Variants in CROCC observed in about 807,000 individuals in gnomAD.
CROCC encodes ciliary rootlet coiled-coil, rootletin, also known as rootletin.
In CROCC, 180 loss-of-function variants were observed where a neutral mutation model predicts 245.2. The observed-to-expected ratio is 0.73, with a 90% CI of 0.65 to 0.83. The LOEUF (loss-of-function observed/expected upper bound fraction) is 0.83, where lower values mean the gene tolerates loss of function less well. Among genes scored for constraint, CROCC ranks in the 40% least tolerant of loss-of-function variants. CROCC has a pLI of 0.00. For synonymous variants in CROCC, 1,205 were observed against 1,241.6 expected (o/e 0.97, Z 0.62); for missense variants, 2,688 against 2,779.4 (o/e 0.97, Z 0.74).
Position 16,922,061 on chromosome 1 carries a change from C to G in CROCC, c.43C>G (p.Leu15Val). The change falls in exon 1 of 37, where the codon CTA becomes GTA. Residue 15 changes from leucine (L) to valine (V), a missense_variant. Physicochemically the swap from Leu to Val is conservative, Grantham distance 32. Coordinates refer to ENST00000375541, the MANE Select transcript of CROCC (RefSeq NM_014675.5). Reference protein sequence around the residue: ...LAGAQEVELTLETVIQTLESS... With the variant: ...LAGAQEVELTVETVIQTLESS... The stretch of plus-strand genomic sequence containing the variant: ...GGGGGCACAGGAGGTGGAGCTGACA[C>G]TAGAGACGGTTATCCAGGTGGGTCC... 2 of 1,550,440 alleles carry G rather than the reference C, an allele frequency of 1.3e-6. No individual in the cohort carries two copies. Among genetic ancestry groups the G allele is most frequent in the South Asian group, 2.4e-5 (2 of 83,628 alleles).
Position 16,931,273 on chromosome 1 carries a change from G to T in CROCC, c.850-18G>T, listed in dbSNP as rs185035343. 1.2e-6 allele frequency: 2 copies of T among 1,600,578 alleles called. No homozygotes were observed. Among genetic ancestry groups the T allele is most frequent in the South Asian group, 1.1e-5 (1 of 90,428 alleles). ...CCGCTCTCACACCAACCCTTCCCTC[G>T]GCATGTCTTCCCTCCAGTCCTTCAA... On this transcript the variant is annotated intron_variant, in intron 7 of 36. Coordinates refer to ENST00000375541, the MANE Select transcript of CROCC (RefSeq NM_014675.5).
chr1:16,940,562 G>A (rs1346718765), intron 13 of CROCC, among the ~76,000 whole-genome samples: 4 of 152,116 alleles, frequency 2.6e-5, no homozygotes, highest in African/African-American at 4.8e-5. Context: ...AATTTTTTTT[G>A]TATTTTTAGT....
In CROCC at chr1:16,924,574, GGCCCT is replaced by G. The variant is rs1386781944; in HGVS notation, c.351+97_351+101del. 3 of 1,491,010 alleles carry G rather than the reference GGCCCT, an allele frequency of 2.0e-6. No homozygotes were observed. In the African/African-American group the frequency reaches 4.1e-5, roughly 20 times the overall value. 92.4% of individuals were successfully genotyped at this position (1,491,010 alleles called of 1,614,324 possible). ...AGGCCCACACACGGGGCAAAAGATG[GGCCCT>G]GGAGTCAGGTTGGCCTGGGCTTGGA... On this transcript the variant is annotated intron_variant, in intron 3 of 36. Transcript: ENST00000375541.
rs905510210 is a variant in CROCC, at chr1:16,954,283, C to G, written c.3247C>G (p.His1083Asp). 1 of 1,611,866 alleles carries G rather than the reference C, an allele frequency of 6.2e-7. No homozygotes were observed. The highest frequency in any genetic ancestry group is 8.5e-7 in the Non-Finnish European group (1 of 1,179,918). The change falls in exon 22 of 37, where the codon CAC becomes GAC. Residue 1083 changes from histidine (H) to aspartate (D), a missense_variant. Coordinates refer to ENST00000375541, the MANE Select transcript of CROCC (RefSeq NM_014675.5). The surrounding 1 kb of genome is among the most constrained non-coding windows in gnomAD (Gnocchi z 4.4). ...ALSEKLMGTR[H>D]SLATISLEME... is the part of the protein sequence containing the mutation. ...GTCAGAGAAGTTGATGGGTACACGGCACAGCCTGGCCACCATCTCCCTGGA... is the reference window on the plus strand; with the variant it reads ...GTCAGAGAAGTTGATGGGTACACGGGACAGCCTGGCCACCATCTCCCTGGA...
chr1:16,943,779 C>CT (rs1446848948), intron 13 of CROCC, among the ~76,000 whole-genome samples: 1 of 152,282 alleles, frequency 6.6e-6, no homozygotes, highest in African/African-American at 2.4e-5. Flanking sequence ...GTCACATGGC[C>CT]TAGCAGAGCT....
At chr1:16,932,839 TG>T (rs2075708371) in intron 8 of CROCC, among the ~76,000 whole-genome samples, 1 of 152,286 alleles carries the variant, frequency 6.6e-6, no homozygotes. Context: ...TTTCATTTAG[TG>T]CGTTAAAAAC....
At chr1:16,958,839 G>A in intron 26 of CROCC, 89 bp downstream of exon 26, 1 of 1,429,602 alleles carries the variant, frequency 7.0e-7, no homozygotes, top group Non-Finnish European at 9.5e-7. Context: ...ATTCTGAAAG[G>A]CCACTCCCTA....
chr1:16,945,886 G>A (rs1457875267), intron 15 of CROCC, among the ~76,000 whole-genome samples: 2 of 152,282 alleles, frequency 1.3e-5, no homozygotes, highest in Non-Finnish European at 2.9e-5. Context: ...TCCAGTGCCT[G>A]AGACTCAGCT....
chr1:16,968,978 A>G (rs2076465494), intron 31 of CROCC, 138 bp from the exon 32 acceptor site: 1 of 868,522 alleles, frequency 1.2e-6, no homozygotes, highest in Non-Finnish European at 1.9e-6. Flanking sequence ...GCTTAGGAAC[A>G]CTGGGTCTCA....
intron 8 of CROCC, 46 bp downstream of exon 8, chr1:16,931,443 C>A: frequency 6.7e-7 from 1 of 1,502,238 alleles, no homozygotes; most frequent in Non-Finnish European, 9.2e-7. Flanking sequence ...GCCAGCCCTG[C>A]TCTTTATGTC....
At chr1:16,937,279 G>A (rs1306421847) in intron 9 of CROCC, among the ~76,000 whole-genome samples, 1 of 152,246 alleles carries the variant, frequency 6.6e-6, no homozygotes, top group African/African-American at 2.4e-5. Flanking sequence ...CTTGAACCCA[G>A]GATGTGGAGG....
intron 13 of CROCC, among the ~76,000 whole-genome samples, chr1:16,942,168 G>A (rs1229496022): frequency 3.3e-5 from 5 of 152,212 alleles, no homozygotes; most frequent in African/African-American, 1.2e-4. Flanking sequence ...ACACCACCAC[G>A]CCTGCCTAAT....
chr1:16,951,203 CT>C, intron 20 of CROCC, 81 bp downstream of exon 20: 1 of 1,247,384 alleles, frequency 8.0e-7, no homozygotes, highest in Non-Finnish European at 1.1e-6. Flanking sequence ...GTCTCTACAT[CT>C]GTGAAATGGG....
In CROCC at chr1:16,936,644, C is replaced by G; in HGVS notation, c.964C>G (p.Leu322Val). Residue 322 changes from leucine (L) to valine (V), a missense_variant, in exon 9 of 37, where the codon CTG becomes GTG. Transcript: ENST00000375541. Reference sequence around the variant, plus strand: ...CTGTGCTCTCTCCCGAAGGGACCTGCTGCAGCTGGGAGGGGAGCTGGCCCG... The same window carrying G: ...CTGTGCTCTCTCCCGAAGGGACCTGGTGCAGCTGGGAGGGGAGCTGGCCCG... ...EVKMFTERDL[L>V]QLGGELARTS... 2 of 1,589,742 alleles carry G rather than the reference C, an allele frequency of 1.3e-6. No homozygotes were observed. Among genetic ancestry groups the G allele is most frequent in the South Asian group, 2.3e-5 (2 of 87,594 alleles).
In CROCC at chr1:16,972,523, A is replaced by AC. The variant is rs2076540211; in HGVS notation, c.*77_*78insC. ...CTTCTTTTGGACAGCCCCCCCACCC[A>AC]GAGCCCGGTCCCTTGGGGGCCTCAA... On this transcript the variant is annotated 3_prime_UTR_variant, in exon 37 of 37. Transcript: ENST00000375541. 2 of 868,220 alleles carry AC rather than the reference A, an allele frequency of 2.3e-6. No homozygotes were observed. The highest frequency in any genetic ancestry group is 4.1e-5 in the African/African-American group (2 of 48,306). The allele number at this position is 868,220 out of a possible 1,614,324, so 53.8% of individuals were successfully genotyped here.
chr1:16,944,182 G>A lies in CROCC; in HGVS notation c.1891G>A (p.Ala631Thr). The change falls in exon 14 of 37, where the codon GCT (alanine) becomes ACT (threonine). Residue 631 changes from alanine to threonine, a missense_variant. Around this residue, in one of 9 missense-constraint regions of CROCC, gnomAD observed 972 missense variants for 895.3 expected, o/e 1.09. Coordinates refer to ENST00000375541, the MANE Select transcript of CROCC (RefSeq NM_014675.5). ...ELRQEREKLQ[A>T]AQEELRRQRD... ...GCGGCAGGAGCGGGAGAAGCTGCAG[G>A]CTGCCCAGGAGGAGCTGCGGCGCCA... The A allele has an allele frequency of 1.9e-6, 3 of 1,555,606 alleles. No individual in the cohort carries two copies. Among genetic ancestry groups the A allele is most frequent in the Non-Finnish European group, 2.6e-6 (3 of 1,149,536 alleles).
chr1:16,958,140 GA>G (rs370716849), intron 25 of CROCC, among the ~76,000 whole-genome samples: 86 of 152,300 alleles, frequency 5.6e-4, no homozygotes, highest in African/African-American at 2.0e-3. Context: ...GTTAGATAGG[GA>G]TAATGTTACT....
intron 8 of CROCC, among the ~76,000 whole-genome samples, chr1:16,934,892 C>CTTTTTTTT (rs556637657): frequency 2.1e-4 from 27 of 128,480 alleles, no homozygotes; most frequent in Non-Finnish European, 3.3e-4. Context: ...TCAGCAGTTT[C>CTTTTTTTT]TTTTTTTTTT....
intron 13 of CROCC, among the ~76,000 whole-genome samples, chr1:16,942,324 T>C (rs542427626): frequency 1.6e-4 from 24 of 152,382 alleles, no homozygotes; most frequent in African/African-American, 5.3e-4. Flanking sequence ...GACAAGAAAT[T>C]ATCCACTTCT....
Sources: gnomAD v4.1 joint callset for allele counts (sites outside exome capture counted in the v4.1 genomes callset) on GRCh38, gnomAD v4.1.1 for gene constraint, gnomAD v4.1.1 regional missense constraint, Gnocchi (gnomAD v3.1) non-coding constraint, MANE v1.5 for transcripts, NCBI Gene and HGNC (gene_info 2026-07-23, HGNC 2026-07-21) for gene names.